The following EXOC4 variants were observed in gnomAD, a reference collection of about 807,000 sequenced individuals.
The protein encoded by EXOC4 is exocyst complex component 4.
EXOC4 carries 71 observed loss-of-function variants against 107.2 expected under a neutral mutation model. The observed-to-expected ratio is 0.66, with a 90% confidence interval of 0.55 to 0.81. EXOC4 has a LOEUF of 0.81. Ranked by LOEUF, EXOC4 falls within the 30% of genes least tolerant of loss-of-function variation. The probability of loss-of-function intolerance (pLI) is 0.00; values close to 1 mark genes in which losing one functional copy is unlikely to be tolerated. For synonymous variants in EXOC4, 456 were observed against 441.2 expected (o/e 1.03, Z -0.42); for missense variants, 1,108 against 1,189.6 (o/e 0.93, Z 1.01).
intron 7 of EXOC4, among the ~76,000 whole-genome samples, chr7:133,378,574 G>A (rs1464581424): frequency 6.6e-6 from 1 of 152,058 alleles, no homozygotes; most frequent in Non-Finnish European, 1.5e-5. Flanking sequence ...GATGGGAGTA[G>A]GGTAAATGAT....
At chr7:133,628,816 G>A (rs575405383) in intron 9 of EXOC4, among the ~76,000 whole-genome samples, 2 of 152,222 alleles carry the variant, frequency 1.3e-5, no homozygotes, top group African/African-American at 2.4e-5. Flanking sequence ...AGTCCTGGTC[G>A]GAATAGGAAA....
At chr7:133,285,492 C>T (rs1423798550) in intron 2 of EXOC4, among the ~76,000 whole-genome samples, 2 of 152,084 alleles carry the variant, frequency 1.3e-5, no homozygotes, top group Non-Finnish European at 2.9e-5. Flanking sequence ...TATATCATTC[C>T]TTTGTCTTCT....
intron 10 of EXOC4, among the ~76,000 whole-genome samples, chr7:133,768,840 G>T (rs1348073206): frequency 1.3e-5 from 2 of 151,892 alleles, no homozygotes; most frequent in African/African-American, 4.8e-5. Flanking sequence ...AGATGAGTAA[G>T]TAGATAATTA....
intron 9 of EXOC4, among the ~76,000 whole-genome samples, chr7:133,486,453 T>C (rs2150869134): frequency 6.6e-6 from 1 of 152,326 alleles, no homozygotes; most frequent in African/African-American, 2.4e-5. Context: ...AGGTGCATTA[T>C]TTTGTATAGC....
downstream of EXOC4, chr7:134,066,728 T>C (rs577165703): frequency 6.6e-6 from 1 of 152,316 alleles, no homozygotes; most frequent in South Asian, 2.1e-4. Flanking sequence ...TTGTGCTGTT[T>C]ACAGCCTTGA....
At chr7:133,333,189 A>G (rs1041495001) in intron 5 of EXOC4, among the ~76,000 whole-genome samples, 1 of 152,158 alleles carries the variant, frequency 6.6e-6, no homozygotes, top group Admixed American at 6.5e-5. Flanking sequence ...TAAATCAGTA[A>G]AAATTTATGG....
intron 10 of EXOC4, among the ~76,000 whole-genome samples, chr7:133,671,825 G>C (rs1322447341): frequency 6.6e-6 from 1 of 152,194 alleles, no homozygotes; most frequent in Non-Finnish European, 1.5e-5. Context: ...CAATGGAAAT[G>C]TAATTTCAGA....
At chr7:133,817,633 C>A in intron 11 of EXOC4, 89 bp downstream of exon 11, 1 of 957,406 alleles carries the variant, frequency 1.0e-6, no homozygotes. Flanking sequence ...GAATTACCAT[C>A]TGTTTCCATA....
intron 10 of EXOC4, among the ~76,000 whole-genome samples, chr7:133,680,041 T>C (rs1178571879): frequency 6.6e-6 from 1 of 152,226 alleles, no homozygotes; most frequent in East Asian, 1.9e-4. Flanking sequence ...AAGGAATGAA[T>C]TTTATTCTTC....
intron 10 of EXOC4, among the ~76,000 whole-genome samples, chr7:133,667,503 G>A (rs561095613): frequency 3.0e-4 from 45 of 152,326 alleles, no homozygotes; most frequent in Admixed American, 1.9e-3. Context: ...CTGCTGGGAA[G>A]CATTAGCTAA....
chr7:133,681,338 G>A (rs1794182678), intron 10 of EXOC4, among the ~76,000 whole-genome samples: 1 of 151,722 alleles, frequency 6.6e-6, no homozygotes, highest in Non-Finnish European at 1.5e-5. Context: ...GGGCATTTCA[G>A]CACCAGATAT....
At chr7:133,597,031 A>G (rs745761970) in intron 9 of EXOC4, among the ~76,000 whole-genome samples, 16 of 152,266 alleles carry the variant, frequency 1.1e-4, no homozygotes, top group South Asian at 8.3e-4. Flanking sequence ...CGTCTTCAGT[A>G]TATGTGGAAT....
At chr7:133,463,983 T>A (rs1798656348) in intron 7 of EXOC4, among the ~76,000 whole-genome samples, 1 of 152,224 alleles carries the variant, frequency 6.6e-6, no homozygotes. Flanking sequence ...ATTTCTGTTT[T>A]ACAGATGAAG....
chr7:133,381,698 G>C (rs1320222232), intron 7 of EXOC4, among the ~76,000 whole-genome samples: 1 of 152,140 alleles, frequency 6.6e-6, no homozygotes, highest in East Asian at 1.9e-4. Flanking sequence ...AATAGTTTCT[G>C]AACCTGGTTA....
intron 9 of EXOC4, among the ~76,000 whole-genome samples, chr7:133,581,577 T>C (rs1037755100): frequency 1.7e-4 from 26 of 150,786 alleles, no homozygotes; most frequent in Non-Finnish European, 3.7e-4. Context: ...GCTAACACGG[T>C]GAAACCCCGT....
chr7:133,309,934 C>T (rs1794834253), intron 4 of EXOC4, among the ~76,000 whole-genome samples: 1 of 152,022 alleles, frequency 6.6e-6, no homozygotes, highest in African/African-American at 2.4e-5. Context: ...AACAAGACTC[C>T]ATCTCAAAAA....
chr7:133,595,783 T>C (rs538685752), intron 9 of EXOC4, among the ~76,000 whole-genome samples: 113 of 152,316 alleles, frequency 7.4e-4, no homozygotes, highest in African/African-American at 2.5e-3. Context: ...AGAAGTTCCT[T>C]CCTATACCTC....
intron 6 of EXOC4, among the ~76,000 whole-genome samples, chr7:133,364,238 C>T (rs572477127): frequency 6.6e-6 from 1 of 152,162 alleles, no homozygotes; most frequent in East Asian, 1.9e-4. Flanking sequence ...TCAAGAGATC[C>T]TCCTGCTTTA....
intron 10 of EXOC4, among the ~76,000 whole-genome samples, chr7:133,656,032 A>G (rs921140729): frequency 3.9e-5 from 6 of 152,142 alleles, no homozygotes; most frequent in African/African-American, 1.4e-4. Context: ...TGATATCACT[A>G]GGAGATAGGA....
Sources: allele counts gnomAD v4.1 joint callset (sites outside exome capture counted in the v4.1 genomes callset), GRCh38; gene constraint gnomAD v4.1.1; transcripts MANE v1.5; gene names NCBI Gene and HGNC (gene_info 2026-07-23, HGNC 2026-07-21).